Variants in TANGO2 observed in about 807,000 individuals in gnomAD.
TANGO2 encodes transport and golgi organization 2 homolog, also known as transport and Golgi organization protein 2 homolog.
Under a neutral mutation model 39.1 loss-of-function variants are expected in TANGO2, and 26 were observed. That is an observed-to-expected ratio of 0.67 (90% confidence interval 0.49 to 0.92). The LOEUF is 0.92. TANGO2 is among the 40% of genes least tolerant of loss of function. TANGO2 has a pLI of 0.00. For synonymous variants in TANGO2, 131 were observed against 144.5 expected (o/e 0.91, Z 0.67); for missense variants, 326 against 360.1 (o/e 0.91, Z 0.77).
chr22:20,061,760 C>T (rs1168606095), intron 7 of TANGO2, 77 bp downstream of exon 7: 1 of 1,459,370 alleles, frequency 6.9e-7, no homozygotes, highest in Non-Finnish European at 9.1e-7. Flanking sequence ...CCCTGCTGCC[C>T]CGGGAGGCCC....
In TANGO2 at chr22:20,053,558, C is replaced by A; in HGVS notation, c.380+7C>A. 6.3e-7 allele frequency: 1 copy of A among 1,587,488 alleles called. No homozygotes were observed. Among genetic ancestry groups the A allele is most frequent in the South Asian group, 1.1e-5 (1 of 90,494 alleles). On this transcript the variant is annotated splice_region_variant and intron_variant, in intron 5 of 8. Transcript: ENST00000327374. ...TCATAGCAGCCGACCTGAGGTGGGT[C>A]TGCCAGAGGGGGATGGCGGCTCTGC...
chr22:20,056,063 A>G (rs762160489), intron 6 of TANGO2, 50 bp downstream of exon 6: 1 of 1,459,394 alleles, frequency 6.9e-7, no homozygotes, highest in Non-Finnish European at 9.6e-7. Context: ...TTCTATGCAG[A>G]GGTCACCCTT....
Position 20,053,709 on chromosome 22 carries a change from A to G in TANGO2, c.380+158A>G, listed in dbSNP as rs16982925. 3.3e-3 allele frequency: 2,216 copies of G among 670,558 alleles called. 40 individuals carry two copies. In the African/African-American group the frequency reaches 0.035, roughly 11 times the overall value. 41.5% of individuals were successfully genotyped at this position (670,558 alleles called of 1,614,324 possible). A position where few individuals can be genotyped will look rare whatever the true frequency, so the allele number is the denominator to read the frequency against. ...AAACATTCTGAGGACTGAGCCTGTC[A>G]CAGATGTACCAACTCGGGTATTTGG... On this transcript the variant is annotated intron_variant, in intron 5 of 8. Coordinates refer to ENST00000327374, the MANE Select transcript of TANGO2 (RefSeq NM_152906.7).
intron 5 of TANGO2, chr22:20,054,178 C>A: frequency 4.4e-6 from 1 of 226,370 alleles, no homozygotes; most frequent in Non-Finnish European, 9.0e-6. Context: ...GCCTGCTGTT[C>A]GTTGAGCATC....
intron 1 of TANGO2, among the ~76,000 whole-genome samples, chr22:20,029,161 A>G (rs1036154456): frequency 5.3e-5 from 8 of 152,162 alleles, no homozygotes; most frequent in African/African-American, 1.7e-4. Flanking sequence ...CATTCTTCTT[A>G]GAGAGGGAGT....
At chr22:20,046,313 T>C (rs117534641) in intron 3 of TANGO2, among the ~76,000 whole-genome samples, 1 of 152,156 alleles carries the variant, frequency 6.6e-6, no homozygotes, top group East Asian at 1.9e-4. Context: ...GCCCAGCTAA[T>C]TTTTAAAAAT....
chr22:20,057,049 A>C lies in TANGO2; in HGVS notation c.451+1036A>C. 1 of 437,240 alleles carries C rather than the reference A, an allele frequency of 2.3e-6. No homozygotes were observed. Among genetic ancestry groups the C allele is most frequent in the Non-Finnish European group, 4.6e-6 (1 of 216,418 alleles). 27.1% of individuals were successfully genotyped at this position (437,240 alleles called of 1,614,324 possible). ...CCACGTCACACAGACTTTCTTTTGC[A>C]TTTGGCACAAATCACCAAGTGAGGT... is the stretch of plus-strand genomic sequence containing the variant. On this transcript the variant is annotated intron_variant, in intron 6 of 8. Transcript: ENST00000327374. This position sits in a 1 kb window ranked among gnomAD's most constrained non-coding sequence, Gnocchi z 4.1.
intron 2 of TANGO2, among the ~76,000 whole-genome samples, chr22:20,042,999 T>C (rs116753667): frequency 6.6e-6 from 1 of 152,064 alleles, no homozygotes; most frequent in African/African-American, 2.4e-5. Context: ...TGGGGACAGA[T>C]GGACAGAAGG....
At chr22:20,021,767 C>A (rs900653548) in intron 1 of TANGO2, among the ~76,000 whole-genome samples, 2 of 152,244 alleles carry the variant, frequency 1.3e-5, no homozygotes, top group Admixed American at 1.3e-4. Flanking sequence ...GGCTTTGTAG[C>A]AGCCTGGGCT....
In TANGO2 at chr22:20,043,390, G is replaced by A. The variant is rs780974999; in HGVS notation, c.92G>A (p.Ser31Asn). Residue 31 changes from serine (S) to asparagine (N), a missense_variant, in exon 3 of 9, where the codon AGC (serine) becomes AAC (asparagine). Coordinates refer to ENST00000327374, the MANE Select transcript of TANGO2 (RefSeq NM_152906.7). ...ILAANRDEFY[S>N]RPSKLADFWG... ...GCAGCCAACAGGGATGAATTCTACA[G>A]CCGACCCTCCAAGTTAGCTGACTTC... 10 of 1,613,672 alleles carry A rather than the reference G, an allele frequency of 6.2e-6. 1 individual carries two copies. In the South Asian group the frequency reaches 9.9e-5, roughly 16 times the overall value.
Position 20,060,262 on chromosome 22 carries a change from T to C in TANGO2, c.452-1268T>C, listed in dbSNP as rs1248547360. Among the ~76,000 whole-genome samples, 5 of 144,956 alleles carry C rather than the reference T, an allele frequency of 3.4e-5. No individual in the cohort carries two copies. In the East Asian group the frequency reaches 1.1e-3, roughly 31 times the overall value. ...TACGTGGGAGGCTGAGACAGGAGAA[T>C]GGCGTGAACCCGGGAGGTGGAGCTT... On this transcript the variant is annotated intron_variant, in intron 6 of 8. Coordinates refer to ENST00000327374, the MANE Select transcript of TANGO2 (RefSeq NM_152906.7).
chr22:20,053,155 C>G (rs2046707676), intron 4 of TANGO2, among the ~76,000 whole-genome samples: 3 of 152,044 alleles, frequency 2.0e-5, no homozygotes, highest in South Asian at 2.1e-4. Flanking sequence ...TGTGGACACA[C>G]ATTGTCCCCA....
At chr22:20,055,765 C>T (rs2047208717) in intron 5 of TANGO2, 178 bp from the exon 6 acceptor site, 4 of 634,702 alleles carry the variant, frequency 6.3e-6, no homozygotes, top group South Asian at 1.8e-5. Flanking sequence ...GAGCTGGGGC[C>T]TCCATGACCC....
At position 20,059,575 on chromosome 22, in the gene TANGO2, G is replaced by A. The variant is rs140134708; in HGVS notation, c.452-1955G>A. Among the ~76,000 whole-genome samples, 249 of 152,322 alleles carry A rather than the reference G, an allele frequency of 1.6e-3. 8 individuals carry two copies. In the East Asian group the frequency reaches 0.041, roughly 25 times the overall value. On this transcript the variant is annotated intron_variant, in intron 6 of 8. Coordinates refer to ENST00000327374, the MANE Select transcript of TANGO2 (RefSeq NM_152906.7). ...GTTCTGTGTTTTTGATGATAGCCAC[G>A]ATAGTGGGTGTGAAGTTGTGTGGAC...
intron 1 of TANGO2, among the ~76,000 whole-genome samples, chr22:20,031,501 G>A (rs200817069): frequency 6.6e-6 from 1 of 152,222 alleles, no homozygotes; most frequent in East Asian, 1.9e-4. Flanking sequence ...TTTCAGTCTT[G>A]AAGTATGGCT....
intron 2 of TANGO2, chr22:20,037,088 G>T: frequency 6.5e-7 from 1 of 1,529,258 alleles, no homozygotes; most frequent in Non-Finnish European, 8.8e-7. Context: ...ACAGAAGGCA[G>T]CCACAGGTAG....
At chr22:20,026,635 T>A (rs948771110) in intron 1 of TANGO2, among the ~76,000 whole-genome samples, 16 of 152,280 alleles carry the variant, frequency 1.1e-4, no homozygotes, top group Admixed American at 9.2e-4. Context: ...AGGCACATGG[T>A]TGCCCACATC....
At chr22:20,062,261 C>T (rs1013537254) in intron 7 of TANGO2, among the ~76,000 whole-genome samples, 13 of 152,280 alleles carry the variant, frequency 8.5e-5, no homozygotes, top group East Asian at 5.8e-4. Flanking sequence ...TTGCCCCAGC[C>T]GGGGGTCCTG....
chr22:20,064,742 C>CAT lies in TANGO2; in HGVS notation c.*82_*83dup. 1 of 1,565,308 alleles carries CAT rather than the reference C, an allele frequency of 6.4e-7. No individual in the cohort carries two copies. The highest frequency in any genetic ancestry group is 8.7e-7 in the Non-Finnish European group (1 of 1,150,670). On this transcript the variant is annotated 3_prime_UTR_variant, in exon 9 of 9. Coordinates refer to ENST00000327374, the MANE Select transcript of TANGO2 (RefSeq NM_152906.7). The stretch of plus-strand genomic sequence containing the variant: ...CTGTGGACAGGAAACCTTCCTTTGC[C>CAT]ATACTGCATTGCACTGCCCGTGGCT...
Sources: allele counts gnomAD v4.1 joint callset (sites outside exome capture counted in the v4.1 genomes callset), GRCh38; gene constraint gnomAD v4.1.1; non-coding constraint Gnocchi (gnomAD v3.1); transcripts MANE v1.5; gene names NCBI Gene and HGNC (gene_info 2026-07-23, HGNC 2026-07-21).